The following ZC4H2 variants were observed in gnomAD, a reference collection of about 807,000 sequenced individuals.
The protein encoded by ZC4H2 is zinc finger C4H2-type containing.
For missense variants in ZC4H2, 137 were observed against 173.9 expected (o/e 0.79, Z 1.19); for synonymous variants, 84 against 66.3 (o/e 1.27, Z -1.30).
intron 1 of ZC4H2, among the ~76,000 whole-genome samples, chrX:64,970,817 TCTA>T (rs1445080354): frequency 2.7e-5 from 3 of 111,744 alleles, no homozygotes; most frequent in Non-Finnish European, 5.6e-5. Flanking sequence ...AGTAAGAACT[TCTA>T]TATGGCTAAA....
chrX:64,980,551 G>T (rs769496891), upstream of ZC4H2, among the ~76,000 whole-genome samples: 3 of 112,133 alleles, frequency 2.7e-5, no homozygotes, highest in South Asian at 1.1e-3. Flanking sequence ...CTTACTACAT[G>T]CCAGGCACTC....
intron 1 of ZC4H2, among the ~76,000 whole-genome samples, chrX:64,937,593 A>G (rs1290154401): frequency 8.9e-6 from 1 of 112,118 alleles, no homozygotes; most frequent in Non-Finnish European, 1.9e-5. Flanking sequence ...CTCTCAGACC[A>G]CAGTGCAATT....
At chrX:65,026,510 C>G (rs978025788) in intron 1 of ZC4H2, among the ~76,000 whole-genome samples, 1 of 110,562 alleles carries the variant, frequency 9.0e-6, no homozygotes, top group Non-Finnish European at 1.9e-5. Flanking sequence ...GAGATCGAGA[C>G]CACCCTGGCT....
chrX:64,937,663 C>A (rs749365891), intron 1 of ZC4H2, among the ~76,000 whole-genome samples: 1 of 111,470 alleles, frequency 9.0e-6, no homozygotes, highest in Non-Finnish European at 1.9e-5. Flanking sequence ...GCAAACTGAA[C>A]AATCTGCTCC....
intron 1 of ZC4H2, among the ~76,000 whole-genome samples, chrX:64,975,179 A>G (rs1057475397): frequency 9.2e-6 from 1 of 109,083 alleles, no homozygotes; most frequent in Non-Finnish European, 1.9e-5. Context: ...AGCTCACAGG[A>G]CTCTTGCTGA....
chrX:64,960,541 A>C (rs886436740), intron 1 of ZC4H2, among the ~76,000 whole-genome samples: 1 of 111,886 alleles, frequency 8.9e-6, no homozygotes, highest in Admixed American at 9.5e-5. Flanking sequence ...AAGGTTTTGC[A>C]TTAGTACTGG....
intron 1 of ZC4H2, among the ~76,000 whole-genome samples, chrX:64,945,533 G>T (rs1401935396): frequency 9.0e-6 from 1 of 111,687 alleles, no homozygotes; most frequent in Non-Finnish European, 1.9e-5. Context: ...GCTGGGAGGT[G>T]TCTCCCAGTC....
At chrX:65,021,887 A>C (rs1388840371) in intron 1 of ZC4H2, among the ~76,000 whole-genome samples, 1 of 112,122 alleles carries the variant, frequency 8.9e-6, no homozygotes. Context: ...ATCAGAGAAT[A>C]CTATAAACAA....
chrX:64,991,150 T>C (rs1052702628), intron 1 of ZC4H2, among the ~76,000 whole-genome samples: 3 of 112,100 alleles, frequency 2.7e-5, no homozygotes, highest in African/African-American at 9.7e-5. Context: ...GAAGAAAGTA[T>C]CATTACCTGG....
Position 64,988,085 on chromosome X carries a change from T to C in ZC4H2, c.-272+46544A>G, listed in dbSNP as rs759769641. ...GAACTCATCCTTTTTTATGGCTGCATAGTATTCCATGGTGCATATGTGCCA... is the reference window on the plus strand; with the variant it reads ...GAACTCATCCTTTTTTATGGCTGCACAGTATTCCATGGTGCATATGTGCCA... On this transcript the variant is annotated intron_variant, in intron 1 of 4. Coordinates refer to the ZC4H2 transcript ENST00000337990. Among the ~76,000 whole-genome samples the C allele has an allele frequency of 2.5e-3, 271 of 110,077 alleles. 1 individual carries two copies. Among genetic ancestry groups the C allele is most frequent in the African/African-American group, 8.7e-3 (264 of 30,221 alleles).
chrX:65,016,489 C>T (rs770072839), intron 1 of ZC4H2, among the ~76,000 whole-genome samples: 2 of 111,676 alleles, frequency 1.8e-5, no homozygotes, highest in South Asian at 3.7e-4. Flanking sequence ...TTGTAGGATG[C>T]ACAAAAAAGA....
rs58569761 is a variant in ZC4H2 at position 64,974,973 on chromosome X, CAAAA to C, written c.53+1348_53+1351del. Among the ~76,000 whole-genome samples the C allele has an allele frequency of 7.5e-3, 269 of 35,839 alleles. 1 individual carries two copies. The highest frequency in any genetic ancestry group is 0.018 in the African/African-American group (240 of 13,577). 31.1% of individuals were successfully genotyped at this position (35,839 alleles called of 115,157 possible). A position where few individuals can be genotyped will look rare whatever the true frequency, so the allele number is the denominator to read the frequency against. ...TCTAGCTAGCTTCTGATGCTTTTGC[CAAAA>C]AAAAAAAAAAAAAAAAAAAAAATTG... On this transcript the variant is annotated intron_variant, in intron 1 of 4. Coordinates refer to ENST00000374839, the MANE Select transcript of ZC4H2 (RefSeq NM_018684.4).
At chrX:64,930,565 G>GT (rs956744617) in intron 1 of ZC4H2, among the ~76,000 whole-genome samples, 3 of 111,359 alleles carry the variant, frequency 2.7e-5, no homozygotes, top group African/African-American at 9.8e-5. Context: ...TTTTGTGAGT[G>GT]TTTTTATAAA....
chrX:65,030,376 G>A (rs774563405), intron 1 of ZC4H2, among the ~76,000 whole-genome samples: 1 of 111,223 alleles, frequency 9.0e-6, no homozygotes, highest in East Asian at 2.8e-4. Context: ...ACCTCCCAAA[G>A]TGCTGGGATT....
intron 1 of ZC4H2, among the ~76,000 whole-genome samples, chrX:65,033,915 C>G (rs1932971046): frequency 9.1e-6 from 1 of 109,949 alleles, no homozygotes; most frequent in Non-Finnish European, 1.9e-5. Context: ...ATGGTGAAAC[C>G]CCGTCTCTAC....
rs367966386 is a variant in ZC4H2, at chrX:64,917,696, G to A, written c.*87C>T. On this transcript the variant is annotated 3_prime_UTR_variant, in exon 5 of 5. Transcript: ENST00000374839. ...TAAATAGGAGACTTCGTGGGGTTGGGCAAGGGTTGTTTCACATCAGGACAT... is the reference window on the plus strand; with the variant it reads ...TAAATAGGAGACTTCGTGGGGTTGGACAAGGGTTGTTTCACATCAGGACAT... The A allele has an allele frequency of 1.7e-6, 2 of 1,144,265 alleles. No individual in the cohort carries two copies. The highest frequency in any genetic ancestry group is 2.3e-6 in the Non-Finnish European group (2 of 857,641). 94.3% of individuals were successfully genotyped at this position (1,144,265 alleles called of 1,213,427 possible). A position where few individuals can be genotyped will look rare whatever the true frequency, so the allele number is the denominator to read the frequency against.
Position 64,971,661 on chromosome X carries a change from T to C in ZC4H2, c.53+4664A>G, listed in dbSNP as rs946423837. On this transcript the variant is annotated intron_variant, in intron 1 of 4. Coordinates refer to ENST00000374839, the MANE Select transcript of ZC4H2 (RefSeq NM_018684.4). ...GACAAGCCCAGTAGGCTGTCATATG[T>C]ATGGGCTAAAGCATGAATGTGGGTG... is the stretch of plus-strand genomic sequence containing the variant. Among the ~76,000 whole-genome samples, 15 of 111,272 alleles carry C rather than the reference T, an allele frequency of 1.3e-4. 1 individual carries two copies. Among genetic ancestry groups the C allele is most frequent in the African/African-American group, 2.0e-4 (6 of 30,476 alleles).
At chrX:64,956,841 C>T (rs1931177186) in intron 1 of ZC4H2, among the ~76,000 whole-genome samples, 1 of 112,367 alleles carries the variant, frequency 8.9e-6, no homozygotes, top group Non-Finnish European at 1.9e-5. Flanking sequence ...CTACTCTGTC[C>T]TTGTTCCCAC....
rs750235400 is a variant in ZC4H2, at chrX:64,973,414, T to G, written c.53+2911A>C. ...GACATTACCACTTTACATGCTTGAA[T>G]GAAGTGTAGAAGCATGTCCTCCCCT... On this transcript the variant is annotated intron_variant, in intron 1 of 4. Transcript: ENST00000374839. 5.4e-5 allele frequency among the ~76,000 whole-genome samples: 6 copies of G among 110,651 alleles called. No individual in the cohort carries two copies. The South Asian group carries it at 1.5e-3, about 28-fold the overall frequency.
Sources: allele counts gnomAD v4.1 joint callset (sites outside exome capture counted in the v4.1 genomes callset), GRCh38; gene constraint gnomAD v4.1.1; transcripts MANE v1.5; gene names NCBI Gene and HGNC (gene_info 2026-07-23, HGNC 2026-07-21).